Variants in SIM2 observed in about 807,000 individuals in gnomAD.
SIM2 encodes single-minded homolog 2.
A neutral mutation model predicts 64.8 loss-of-function variants in SIM2; 28 were observed. The ratio of observed to expected loss-of-function variants is 0.43; its 90% CI spans 0.32 to 0.59. The LOEUF is 0.59. Among genes scored for constraint, SIM2 ranks in the 20% least tolerant of loss-of-function variants. The pLI is 0.07. For synonymous variants in SIM2, 408 were observed against 391.1 expected, an observed-to-expected ratio of 1.04 and a Z score of -0.51; for missense variants, 847 against 871.4, an observed-to-expected ratio of 0.97 and a Z score of 0.35.
chr21:36,737,301 G>A (rs566742849), intron 7 of SIM2, among the ~76,000 whole-genome samples: 7 of 152,278 alleles, frequency 4.6e-5, no homozygotes, highest in African/African-American at 1.7e-4. Context: ...CCCACCCCAC[G>A]CCTCACCCAC....
intron 7 of SIM2, among the ~76,000 whole-genome samples, chr21:36,738,217 G>C (rs1159258388): frequency 6.6e-6 from 1 of 152,004 alleles, no homozygotes; most frequent in African/African-American, 2.4e-5. Flanking sequence ...TACTTTGAAA[G>C]TAATAGCAGC....
intron 1 of SIM2, among the ~76,000 whole-genome samples, chr21:36,706,393 C>G (rs1054396189): frequency 5.3e-5 from 8 of 152,258 alleles, no homozygotes; most frequent in Non-Finnish European, 7.4e-5. Context: ...TCCTCACCCC[C>G]ACCCCTCCGG....
chr21:36,705,800 T>A (rs2088572395), intron 1 of SIM2, among the ~76,000 whole-genome samples: 1 of 152,198 alleles, frequency 6.6e-6, no homozygotes, highest in Non-Finnish European at 1.5e-5. Flanking sequence ...TAACCGCATT[T>A]GATATTCACA....
chr21:36,707,766 G>A (rs953968295), intron 1 of SIM2, among the ~76,000 whole-genome samples: 3 of 152,004 alleles, frequency 2.0e-5, no homozygotes, highest in Non-Finnish European at 4.4e-5. Context: ...TGACTGCACG[G>A]CGACTCCTCG....
rs550927967 is a variant in SIM2 at position 36,749,322 on chromosome 21, C to A, written c.*1230C>A. ...ACACTGCAGCATTTTGCTGCTTTATCAAAATGGTTTATTTTAGGAAACTTT... is the reference window on the plus strand; with the variant it reads ...ACACTGCAGCATTTTGCTGCTTTATAAAAATGGTTTATTTTAGGAAACTTT... On this transcript the variant is annotated 3_prime_UTR_variant, in exon 11 of 11. Coordinates refer to ENST00000290399, the MANE Select transcript of SIM2 (RefSeq NM_005069.6). 3 of 152,530 alleles carry A rather than the reference C, an allele frequency of 2.0e-5. No individual in the cohort carries two copies. Among genetic ancestry groups the A allele is most frequent in the Non-Finnish European group, 2.9e-5 (2 of 68,024 alleles). The allele number at this position is 152,530 out of a possible 1,614,324, so 9.4% of individuals were successfully genotyped here. A position where few individuals can be genotyped will look rare whatever the true frequency, so the allele number is the denominator to read the frequency against.
intron 7 of SIM2, among the ~76,000 whole-genome samples, chr21:36,731,788 G>A (rs537222671): frequency 3.3e-5 from 5 of 152,318 alleles, no homozygotes; most frequent in East Asian, 1.9e-4. Context: ...ATTTGCCAAC[G>A]GAGGCGGTTT....
At chr21:36,725,576 T>G (rs1480111992) in intron 5 of SIM2, among the ~76,000 whole-genome samples, 1 of 152,070 alleles carries the variant, frequency 6.6e-6, no homozygotes, top group East Asian at 1.9e-4. Flanking sequence ...TAATTTGTAG[T>G]TACTTACAGT....
chr21:36,705,795 G>A (rs976838344), intron 1 of SIM2, among the ~76,000 whole-genome samples: 7 of 152,186 alleles, frequency 4.6e-5, no homozygotes, highest in Non-Finnish European at 8.8e-5. Flanking sequence ...GTTGTTAACC[G>A]CATTTGATAT....
chr21:36,748,154 C>G lies in SIM2; in HGVS notation c.*62C>G. ...CTCCCGGGGCTGCGGCGCCACCGAGCCCGGCAAATGCGCACGACCTACATT... is the reference window on the plus strand; with the variant it reads ...CTCCCGGGGCTGCGGCGCCACCGAGGCCGGCAAATGCGCACGACCTACATT... On this transcript the variant is annotated 3_prime_UTR_variant, in exon 11 of 11. Coordinates refer to ENST00000290399, the MANE Select transcript of SIM2 (RefSeq NM_005069.6). 1 of 854,656 alleles carries G rather than the reference C, an allele frequency of 1.2e-6. No individual in the cohort carries two copies. The highest frequency in any genetic ancestry group is 1.5e-6 in the Non-Finnish European group (1 of 674,316). The allele number at this position is 854,656 out of a possible 1,614,324, so 52.9% of individuals were successfully genotyped here. A position where few individuals can be genotyped will look rare whatever the true frequency, so the allele number is the denominator to read the frequency against.
At position 36,749,195 on chromosome 21, in the gene SIM2, T is replaced by G. The variant is rs2123522784; in HGVS notation, c.*1103T>G. On this transcript the variant is annotated 3_prime_UTR_variant, in exon 11 of 11. Transcript: ENST00000290399. ...ATGAGCTTCCATTAATTTTTACTTT[T>G]TATGGGTTTTGCTTAAAGATCTCAA... is the stretch of plus-strand genomic sequence containing the variant. The G allele has an allele frequency of 2.0e-5, 3 of 152,786 alleles. 1 individual carries two copies. The South Asian group carries it at 6.2e-4, about 32-fold the overall frequency. 9.5% of individuals were successfully genotyped at this position (152,786 alleles called of 1,614,324 possible). A position where few individuals can be genotyped will look rare whatever the true frequency, so the allele number is the denominator to read the frequency against.
At chr21:36,700,738 G>A (rs1234051895) in intron 1 of SIM2, among the ~76,000 whole-genome samples, 1 of 152,216 alleles carries the variant, frequency 6.6e-6, no homozygotes, top group Non-Finnish European at 1.5e-5. Context: ...AGTCCGGGCA[G>A]GAGAGACCCG....
chr21:36,727,368 T>C (rs566392506), intron 6 of SIM2, among the ~76,000 whole-genome samples: 1 of 152,336 alleles, frequency 6.6e-6, no homozygotes, highest in South Asian at 2.1e-4. Context: ...TGACAAACGC[T>C]AACTGCGTTT....
At chr21:36,708,145 C>T (rs1381615323) in intron 1 of SIM2, among the ~76,000 whole-genome samples, 1 of 152,236 alleles carries the variant, frequency 6.6e-6, no homozygotes, top group African/African-American at 2.4e-5. Flanking sequence ...CTGCAGCCAC[C>T]AGCCACGGCG....
intron 7 of SIM2, among the ~76,000 whole-genome samples, chr21:36,732,352 T>C (rs1366291646): frequency 6.6e-6 from 1 of 152,254 alleles, no homozygotes; most frequent in African/African-American, 2.4e-5. Flanking sequence ...AGATGGCATG[T>C]CCTCTGTTCT....
Position 36,745,502 on chromosome 21 carries a change from T to C in SIM2, c.1576+366T>C. ...GCTGCATTTCTTTTGCAAGATTCCTTTCCACTCCAACCAGAAGTGAATATT... is the reference window on the plus strand; with the variant it reads ...GCTGCATTTCTTTTGCAAGATTCCTCTCCACTCCAACCAGAAGTGAATATT... On this transcript the variant is annotated intron_variant, in intron 10 of 10. Transcript: ENST00000290399. The surrounding 1 kb of genome is among the most constrained non-coding windows in gnomAD (Gnocchi z 4.8). 8.7e-7 allele frequency: 1 copy of C among 1,148,498 alleles called. No individual in the cohort carries two copies. The highest frequency in any genetic ancestry group is 2.2e-5 in the South Asian group (1 of 45,768). The allele number at this position is 1,148,498 out of a possible 1,614,324, so 71.1% of individuals were successfully genotyped here. A position where few individuals can be genotyped will look rare whatever the true frequency, so the allele number is the denominator to read the frequency against.
In SIM2 at chr21:36,726,955, C is replaced by G. The variant is rs2088901007; in HGVS notation, c.743+637C>G. ...GTGCTGGAGTGGCCTTCACTCTCCC[C>G]TAGAACCGGCTGCAGTCCCAGTTTT... On this transcript the variant is annotated intron_variant, in intron 6 of 10. Coordinates refer to ENST00000290399, the MANE Select transcript of SIM2 (RefSeq NM_005069.6). This position sits in a 1 kb window ranked among gnomAD's most constrained non-coding sequence, Gnocchi z 4.5. Among the ~76,000 whole-genome samples the G allele has an allele frequency of 6.6e-6, 1 of 152,222 alleles. No individual in the cohort carries two copies. The highest frequency in any genetic ancestry group is 2.1e-4 in the South Asian group (1 of 4,834).
chr21:36,720,918 C>G (rs968336653), intron 4 of SIM2, among the ~76,000 whole-genome samples: 4 of 152,148 alleles, frequency 2.6e-5, no homozygotes, highest in African/African-American at 9.7e-5. Context: ...CCAGAATACC[C>G]CAGTGGAACA....
intron 1 of SIM2, among the ~76,000 whole-genome samples, chr21:36,703,022 G>T (rs972634384): frequency 1.3e-5 from 2 of 151,884 alleles, no homozygotes; most frequent in African/African-American, 4.8e-5. Context: ...GGAAATTAAG[G>T]CCAGACATGA....
chr21:36,708,421 C>G (rs2088620013), intron 1 of SIM2, among the ~76,000 whole-genome samples: 1 of 152,192 alleles, frequency 6.6e-6, no homozygotes, highest in Non-Finnish European at 1.5e-5. Context: ...GGCAGGAGGC[C>G]TGTTGAGCGG....
Sources: gnomAD v4.1 joint callset for allele counts (sites outside exome capture counted in the v4.1 genomes callset) on GRCh38, gnomAD v4.1.1 for gene constraint, Gnocchi (gnomAD v3.1) non-coding constraint, MANE v1.5 for transcripts, NCBI Gene and HGNC (gene_info 2026-07-23, HGNC 2026-07-21) for gene names.